Variants in DHX35 observed in about 807,000 individuals in gnomAD.
DHX35 encodes DEAH-box helicase 35, also known as probable ATP-dependent RNA helicase DHX35.
Under a neutral mutation model 99.6 loss-of-function variants are expected in DHX35, and 84 were observed. The observed-to-expected ratio is 0.84, with a 90% CI of 0.71 to 1.01. DHX35 has a LOEUF of 1.01. Among genes scored for constraint, DHX35 ranks in the 50% least tolerant of loss-of-function variants. The probability of loss-of-function intolerance (pLI) is 0.00; values close to 1 mark genes in which losing one functional copy is unlikely to be tolerated. For missense variants in DHX35, 852 were observed against 888.5 expected (o/e 0.96, Z 0.52); for synonymous variants, 331 against 316.2 (o/e 1.05, Z -0.50).
chr20:39,006,134 TG>T lies in DHX35; in HGVS notation c.1012-8del. 1 of 1,604,410 alleles carries T rather than the reference TG, an allele frequency of 6.2e-7. No homozygotes were observed. The highest frequency in any genetic ancestry group is 8.5e-7 in the Non-Finnish European group (1 of 1,171,968). On this transcript the variant is annotated splice_polypyrimidine_tract_variant and intron_variant, in intron 11 of 21. Transcript: ENST00000252011. ...AAAATGAGTTTTATTCTTCTTTCTG[TG>T]GGGAACGTAGGTGATAGTGGCCACC...
intron 11 of DHX35, 147 bp from the exon 12 acceptor site, chr20:39,005,999 T>G: frequency 1.1e-6 from 1 of 916,900 alleles, no homozygotes; most frequent in Non-Finnish European, 1.6e-6. Context: ...CCCCCTGACT[T>G]GGAAACTCAC....
rs1352691543 is a variant in DHX35, at chr20:38,989,053, C to T, written c.450+136C>T. 3.5e-6 allele frequency: 3 copies of T among 847,594 alleles called. No homozygotes were observed. In the East Asian group the frequency reaches 9.1e-5, roughly 26 times the overall value. The allele number at this position is 847,594 out of a possible 1,614,324, so 52.5% of individuals were successfully genotyped here. On this transcript the variant is annotated intron_variant, in intron 5 of 21. Coordinates refer to ENST00000252011, the MANE Select transcript of DHX35 (RefSeq NM_021931.4). ...AAGTGAAGAAAAGTATCCTGACATT[C>T]AGAGACTTTAGTCAGCTAGGAGACA... is the stretch of plus-strand genomic sequence containing the variant.
chr20:38,963,038 T>C (rs1430979881), intron 1 of DHX35: 1 of 152,528 alleles, frequency 6.6e-6, no homozygotes, highest in Non-Finnish European at 1.5e-5. Flanking sequence ...CCACTCCGAA[T>C]GTCTACTAGA....
chr20:39,023,864 G>A (rs972857895), intron 17 of DHX35, 97 bp downstream of exon 17: 7 of 981,850 alleles, frequency 7.1e-6, no homozygotes, highest in Non-Finnish European at 1.1e-5. Flanking sequence ...GTAAAGGAAT[G>A]TCCAAGAGAG....
chr20:38,978,919 G>A (rs993110988), intron 3 of DHX35, among the ~76,000 whole-genome samples: 1 of 152,126 alleles, frequency 6.6e-6, no homozygotes, highest in African/African-American at 2.4e-5. Context: ...TGATTATCTA[G>A]TTTTCCCAGC....
intron 11 of DHX35, among the ~76,000 whole-genome samples, 187 bp downstream of exon 11, chr20:39,004,094 G>C (rs1471886095): frequency 1.3e-5 from 2 of 151,658 alleles, no homozygotes; most frequent in Admixed American, 6.6e-5. Context: ...ATGGAGTCTC[G>C]CTCTGTTGCC....
chr20:39,007,139 G>A (rs2086631726), intron 12 of DHX35, among the ~76,000 whole-genome samples: 1 of 152,206 alleles, frequency 6.6e-6, no homozygotes. Context: ...TTCTGGTGTG[G>A]CTGCCCCTAA....
At chr20:39,030,882 G>A in intron 20 of DHX35, 107 bp downstream of exon 20, 1 of 1,292,944 alleles carries the variant, frequency 7.7e-7, no homozygotes, top group Non-Finnish European at 1.1e-6. Flanking sequence ...GCTGCTCTGG[G>A]CCGGGCGTGG....
chr20:38,992,452 T>C (rs1301263007), intron 7 of DHX35, 27 bp downstream of exon 7: 2 of 1,610,078 alleles, frequency 1.2e-6, no homozygotes, highest in Admixed American at 1.7e-5. Flanking sequence ...AGCTTTTCAT[T>C]GTGTGTGTTT....
chr20:39,013,463 G>A (rs1414700140), intron 13 of DHX35, among the ~76,000 whole-genome samples: 1 of 152,192 alleles, frequency 6.6e-6, no homozygotes, highest in African/African-American at 2.4e-5. Flanking sequence ...TGTTAAAACA[G>A]TGTTTCTGTA....
intron 3 of DHX35, among the ~76,000 whole-genome samples, chr20:38,979,157 T>C (rs2086130891): frequency 6.6e-6 from 1 of 152,256 alleles, no homozygotes; most frequent in Middle Eastern, 3.4e-3. Context: ...CATAATGTAT[T>C]GTTGGTTTTT....
intron 13 of DHX35, among the ~76,000 whole-genome samples, chr20:39,014,125 G>T (rs191749338): frequency 3.3e-5 from 5 of 152,316 alleles, no homozygotes; most frequent in Admixed American, 1.3e-4. Context: ...AAAATGCTAT[G>T]TGAATTTAGA....
intron 11 of DHX35, among the ~76,000 whole-genome samples, chr20:39,004,126 G>A (rs1015701527): frequency 2.0e-5 from 3 of 151,928 alleles, no homozygotes; most frequent in East Asian, 1.9e-4. Context: ...GCAGTGGCGC[G>A]ATCTCAGCTC....
At chr20:38,971,787 C>T (rs2086000987) in intron 2 of DHX35, among the ~76,000 whole-genome samples, 1 of 152,076 alleles carries the variant, frequency 6.6e-6, no homozygotes, top group Non-Finnish European at 1.5e-5. Context: ...CATATCAGTA[C>T]AAGTAGATAT....
At chr20:38,974,009 C>T (rs1451890712) in intron 3 of DHX35, among the ~76,000 whole-genome samples, 1 of 152,204 alleles carries the variant, frequency 6.6e-6, no homozygotes, top group Non-Finnish European at 1.5e-5. Flanking sequence ...TGTGAACATT[C>T]ATGTGCTTGT....
chr20:38,963,243 A>G (rs1432780105), intron 1 of DHX35, among the ~76,000 whole-genome samples: 2 of 152,254 alleles, frequency 1.3e-5, no homozygotes, highest in Non-Finnish European at 2.9e-5. Flanking sequence ...AAAAAACAAA[A>G]GTTTTTAAAT....
intron 11 of DHX35, 51 bp from the exon 12 acceptor site, chr20:39,006,095 A>G (rs1568741728): frequency 6.3e-7 from 1 of 1,584,994 alleles, no homozygotes. Flanking sequence ...GAGTTTGTTA[A>G]AAGCAAAAAG....
At chr20:38,985,872 T>A (rs1400746828) in intron 4 of DHX35, among the ~76,000 whole-genome samples, 2 of 152,206 alleles carry the variant, frequency 1.3e-5, no homozygotes, top group African/African-American at 2.4e-5. Context: ...CAGAAAGTAC[T>A]TTATGTGCAG....
intron 4 of DHX35, among the ~76,000 whole-genome samples, chr20:38,986,904 T>C (rs1354768684): frequency 1.3e-5 from 2 of 152,198 alleles, no homozygotes; most frequent in Non-Finnish European, 2.9e-5. Context: ...CTCTTCAGTG[T>C]CTTAAACACT....
Sources: gnomAD v4.1 joint callset for allele counts (sites outside exome capture counted in the v4.1 genomes callset) on GRCh38, gnomAD v4.1.1 for gene constraint, MANE v1.5 for transcripts, NCBI Gene and HGNC (gene_info 2026-07-23, HGNC 2026-07-21) for gene names.